The following FASTKD1 variants were observed in gnomAD, a reference collection of about 807,000 sequenced individuals.
FASTKD1 encodes FAST kinase domains 1.
Under a neutral mutation model 90.9 loss-of-function variants are expected in FASTKD1, and 94 were observed. The observed-to-expected ratio is 1.03, with a 90% CI of 0.88 to 1.23. The LOEUF is 1.23. FASTKD1 is among the 50% of genes most tolerant of loss of function. The pLI is 0.00. For synonymous variants in FASTKD1, 319 were observed against 345.8 expected (o/e 0.92, Z 0.86); for missense variants, 945 against 993.5 (o/e 0.95, Z 0.66).
chr2:169,540,380 G>T (rs138406913), intron 9 of FASTKD1, among the ~76,000 whole-genome samples: 1 of 152,278 alleles, frequency 6.6e-6, no homozygotes, highest in East Asian at 1.9e-4. Context: ...AAGAGGAGAA[G>T]GGTACTGTGA....
In FASTKD1 at chr2:169,528,839, G is replaced by A. The variant is rs926359557; in HGVS notation, c.*986C>T. Among the ~76,000 whole-genome samples the A allele has an allele frequency of 2.6e-5, 4 of 151,940 alleles. No individual in the cohort carries two copies. Among genetic ancestry groups the A allele is most frequent in the African/African-American group, 7.3e-5 (3 of 41,344 alleles). On this transcript the variant is annotated 3_prime_UTR_variant, in exon 15 of 15. Coordinates refer to ENST00000453153, the MANE Select transcript of FASTKD1 (RefSeq NM_024622.6). ...CCCCTTGAAATGCTTTATCCACTTGGCTTCTAGGAAGTATTACTTACCTTC... is the reference window on the plus strand; with the variant it reads ...CCCCTTGAAATGCTTTATCCACTTGACTTCTAGGAAGTATTACTTACCTTC...
chr2:169,532,934 A>C (rs1481320321), intron 12 of FASTKD1, among the ~76,000 whole-genome samples: 4 of 152,324 alleles, frequency 2.6e-5, no homozygotes, highest in Admixed American at 2.6e-4. Context: ...ATAAAATGTT[A>C]AATTTTATCT....
chr2:169,545,796 T>A (rs1685164547), intron 8 of FASTKD1, among the ~76,000 whole-genome samples: 1 of 152,218 alleles, frequency 6.6e-6, no homozygotes, highest in Non-Finnish European at 1.5e-5. Flanking sequence ...AACATGAGTA[T>A]CCTCAAAGAA....
chr2:169,532,666 G>A (rs1345206418), intron 12 of FASTKD1, among the ~76,000 whole-genome samples: 24 of 150,506 alleles, frequency 1.6e-4, no homozygotes. Flanking sequence ...TTCGAAATGT[G>A]GAAAAAAAAA....
chr2:169,569,319 G>A (rs1423247858), intron 2 of FASTKD1, 67 bp from the exon 3 acceptor site: 5 of 1,388,792 alleles, frequency 3.6e-6, no homozygotes, highest in African/African-American at 2.9e-5. Flanking sequence ...TATGCAATAC[G>A]AATGATAATG....
At chr2:169,547,831 G>T (rs1685271002) in intron 7 of FASTKD1, among the ~76,000 whole-genome samples, 1 of 131,762 alleles carries the variant, frequency 7.6e-6, no homozygotes. Flanking sequence ...GTTGCAGTGA[G>T]CCAAGATCGT....
intron 7 of FASTKD1, among the ~76,000 whole-genome samples, chr2:169,552,773 C>CA (rs1685548129): frequency 1.3e-5 from 2 of 151,528 alleles, no homozygotes; most frequent in African/African-American, 2.4e-5. Context: ...AAGCTAGGGA[C>CA]AAAAAAACAA....
chr2:169,531,097 A>C (rs919372541), intron 13 of FASTKD1: 3 of 716,608 alleles, frequency 4.2e-6, no homozygotes, highest in Non-Finnish European at 7.7e-6. Context: ...ATGGGAGCGC[A>C]AAAGAAGATA....
At chr2:169,551,811 T>C (rs1483117440) in intron 7 of FASTKD1, among the ~76,000 whole-genome samples, 1 of 152,008 alleles carries the variant, frequency 6.6e-6, no homozygotes, top group Non-Finnish European at 1.5e-5. Flanking sequence ...AAGGAAATCA[T>C]ACTAATGATT....
At chr2:169,561,844 T>TTTATTAATTTATTGTAAA (rs1683655699) in intron 4 of FASTKD1, among the ~76,000 whole-genome samples, 14 of 143,700 alleles carry the variant, frequency 9.7e-5, no homozygotes, top group Admixed American at 3.5e-4. Context: ...TTGTAAATTA[T>TTTATTAATTTATTGTAAA]TTATTAATTT....
intron 13 of FASTKD1, 123 bp from the exon 14 acceptor site, chr2:169,530,824 T>C: frequency 1.5e-6 from 1 of 650,144 alleles, no homozygotes; most frequent in Non-Finnish European, 2.7e-6. Context: ...TAAATGAGTA[T>C]ATCAAGTTAT....
chr2:169,562,051 TTATTTATTAATTTATTGTAAAATAA>T, intron 4 of FASTKD1, among the ~76,000 whole-genome samples: 1 of 129,986 alleles, frequency 7.7e-6, no homozygotes, highest in African/African-American at 2.9e-5. Context: ...TGTAAATTAA[TTATTTATTAATTTATTGTAAAATAA>T]TTATTTATTA....
intron 12 of FASTKD1, among the ~76,000 whole-genome samples, chr2:169,535,194 T>C (rs1257334837): frequency 6.6e-6 from 1 of 152,014 alleles, no homozygotes; most frequent in Non-Finnish European, 1.5e-5. Flanking sequence ...TGTTTTGTTT[T>C]GTTTTAGAGA....
intron 3 of FASTKD1, among the ~76,000 whole-genome samples, chr2:169,565,248 GCT>G (rs1491401881): frequency 0.01 from 702 of 67,764 alleles, 35 homozygotes; most frequent in African/African-American, 0.033. Context: ...ACCACACCAG[GCT>G]TTTTTTTTTT....
intron 7 of FASTKD1, among the ~76,000 whole-genome samples, chr2:169,548,895 C>A (rs1019633526): frequency 6.6e-6 from 1 of 151,112 alleles, no homozygotes; most frequent in Non-Finnish European, 1.5e-5. Context: ...GAGATCGAGA[C>A]CATTCTGGCT....
intron 7 of FASTKD1, 53 bp from the exon 8 acceptor site, chr2:169,546,757 T>G (rs1324728567): frequency 6.7e-7 from 1 of 1,502,602 alleles, no homozygotes; most frequent in Admixed American, 2.1e-5. Context: ...AAAATATATA[T>G]GTATTAAAAT....
chr2:169,548,662 G>A (rs1234708984), intron 7 of FASTKD1, among the ~76,000 whole-genome samples: 1 of 149,566 alleles, frequency 6.7e-6, no homozygotes, highest in African/African-American at 2.5e-5. Context: ...AACCCGGGAG[G>A]CGGAGGTTGC....
In FASTKD1 at chr2:169,557,237, C is replaced by A. The variant is rs759156759; in HGVS notation, c.1032G>T (p.Val344=). The part of the protein sequence containing the change: ...EDLTGEQALA[V]LGAMGDMESR... The stretch of plus-strand genomic sequence containing the variant: ...TTTCCATATCTCCCATTGCTCCCAA[C>A]ACTGCCAGGGCTTGCTCGCCAGTTA... The change falls in exon 6 of 15, where the codon GTG becomes GTT. Residue 344 remains valine, a synonymous_variant. Coordinates refer to ENST00000453153, the MANE Select transcript of FASTKD1 (RefSeq NM_024622.6). 1 of 1,613,172 alleles carries A rather than the reference C, an allele frequency of 6.2e-7. No individual in the cohort carries two copies. Among genetic ancestry groups the A allele is most frequent in the Non-Finnish European group, 8.5e-7 (1 of 1,179,566 alleles).
At chr2:169,572,336 G>C (rs576881946) in intron 1 of FASTKD1, among the ~76,000 whole-genome samples, 165 bp from the exon 2 acceptor site, 1 of 151,708 alleles carries the variant, frequency 6.6e-6, no homozygotes, top group Non-Finnish European at 1.5e-5. Context: ...CAGAAAAAGG[G>C]GCTTCTTTCT....
Sources: allele counts gnomAD v4.1 joint callset (sites outside exome capture counted in the v4.1 genomes callset), GRCh38; gene constraint gnomAD v4.1.1; transcripts MANE v1.5; gene names NCBI Gene and HGNC (gene_info 2026-07-23, HGNC 2026-07-21).